The following PARVA variants were observed in gnomAD, a reference collection of about 807,000 sequenced individuals.
PARVA encodes alpha-parvin.
Under a neutral mutation model 52.6 loss-of-function variants are expected in PARVA, and 25 were observed. That is an observed-to-expected ratio of 0.48 (90% confidence interval 0.35 to 0.66). The LOEUF (loss-of-function observed/expected upper bound fraction) is 0.66, where lower values mean the gene tolerates loss of function less well. Ranked by LOEUF, PARVA falls within the 30% of genes least tolerant of loss-of-function variation. The pLI is 0.01. For synonymous variants in PARVA, 185 were observed against 179.1 expected, an observed-to-expected ratio of 1.03 and a Z score of -0.26; for missense variants, 373 against 450.9, an observed-to-expected ratio of 0.83 and a Z score of 1.56.
intron 12 of PARVA, among the ~76,000 whole-genome samples, chr11:12,524,844 T>C (rs148281376): frequency 3.2e-4 from 48 of 152,326 alleles, no homozygotes; most frequent in African/African-American, 1.1e-3. Flanking sequence ...CAGATGTTAA[T>C]CAATAAGCAT....
At chr11:12,473,645 GT>G (rs554757024) in intron 1 of PARVA, 99 bp from the exon 2 acceptor site, 27 of 878,532 alleles carry the variant, frequency 3.1e-5, no homozygotes, top group Non-Finnish European at 4.4e-5. Context: ...CCCTTAGTGG[GT>G]TTTTTTCTCA....
chr11:12,481,114 T>G (rs1162559902), intron 4 of PARVA, among the ~76,000 whole-genome samples: 1 of 152,190 alleles, frequency 6.6e-6, no homozygotes. Context: ...TGAGACCACG[T>G]AAATATCCTG....
intron 1 of PARVA, among the ~76,000 whole-genome samples, chr11:12,449,214 C>T (rs562822396): frequency 5.9e-5 from 9 of 151,978 alleles, no homozygotes; most frequent in Middle Eastern, 3.4e-3. Context: ...AGGGCAGTGG[C>T]GCAATCTCGG....
intron 10 of PARVA, among the ~76,000 whole-genome samples, chr11:12,516,828 A>T (rs571774570): frequency 6.6e-6 from 1 of 152,196 alleles, no homozygotes; most frequent in Non-Finnish European, 1.5e-5. Context: ...TGTTTTACAG[A>T]TAAGACATAT....
intron 4 of PARVA, among the ~76,000 whole-genome samples, chr11:12,484,114 C>T (rs1421603871): frequency 2.0e-5 from 3 of 152,184 alleles, no homozygotes; most frequent in Admixed American, 6.5e-5. Flanking sequence ...TCCATGGTCA[C>T]CTGGTTATAT....
chr11:12,386,433 C>T (rs1339798005), intron 1 of PARVA, among the ~76,000 whole-genome samples: 1 of 152,246 alleles, frequency 6.6e-6, no homozygotes, highest in Non-Finnish European at 1.5e-5. Flanking sequence ...AAGTCCTCTT[C>T]TGCATGAAGC....
Position 12,533,364 on chromosome 11 carries a change from T to C in PARVA, c.*5439T>C, listed in dbSNP as rs1941796172. Among the ~76,000 whole-genome samples the C allele has an allele frequency of 1.3e-5, 2 of 152,196 alleles. No homozygotes were observed. The highest frequency in any genetic ancestry group is 2.9e-5 in the Non-Finnish European group (2 of 68,034). ...TTCAGCCTGTGGGCTTGACAAACTA[T>C]AAGCAAGCCTCCTGGATGTGGAATA... On this transcript the variant is annotated 3_prime_UTR_variant, in exon 13 of 13. Transcript: ENST00000334956.
rs1174821611 is a variant in PARVA, at chr11:12,504,368, A to G, written c.596A>G (p.Gln199Arg). 6.2e-7 allele frequency: 1 copy of G among 1,613,870 alleles called. No homozygotes were observed. The highest frequency in any genetic ancestry group is 8.5e-7 in the Non-Finnish European group (1 of 1,179,792). Residue 199 changes from glutamine (Q) to arginine (R), a missense_variant, in exon 6 of 13, where the codon CAG (glutamine) becomes CGG (arginine). By Grantham distance (43) the Gln-to-Arg change is conservative. Transcript: ENST00000334956. Reference sequence around the variant, plus strand: ...TTACACCTGCTCGTTGCTCTGTCTCAGTATTTCCGCGCACCAATTCGACTC... The same window carrying G: ...TTACACCTGCTCGTTGCTCTGTCTCGGTATTTCCGCGCACCAATTCGACTC... ...AILHLLVALS[Q>R]YFRAPIRLPD...
At chr11:12,443,462 A>G (rs1381687223) in intron 1 of PARVA, among the ~76,000 whole-genome samples, 1 of 151,884 alleles carries the variant, frequency 6.6e-6, no homozygotes, top group Non-Finnish European at 1.5e-5. Flanking sequence ...GAGGCACCAC[A>G]CCTGGCCAAC....
At position 12,504,171 on chromosome 11, in the gene PARVA, G is replaced by C. The variant is rs937322949; in HGVS notation, c.542-143G>C. 6.4e-6 allele frequency: 4 copies of C among 624,366 alleles called. No individual in the cohort carries two copies. The African/African-American group carries it at 7.3e-5, about 11-fold the overall frequency. The allele number at this position is 624,366 out of a possible 1,614,324, so 38.7% of individuals were successfully genotyped here. A position where few individuals can be genotyped will look rare whatever the true frequency, so the allele number is the denominator to read the frequency against. ...CCACCAGGCCCCACCTCCAACACCG[G>C]GGATTACATTTCAGCATGAGATTTG... On this transcript the variant is annotated intron_variant, in intron 5 of 12. Coordinates refer to ENST00000334956, the MANE Select transcript of PARVA (RefSeq NM_018222.5).
chr11:12,513,412 A>G, intron 9 of PARVA, 52 bp downstream of exon 9: 1 of 1,525,086 alleles, frequency 6.6e-7, no homozygotes, highest in Non-Finnish European at 9.1e-7. Context: ...GCAACAGAAC[A>G]TTGGGAAAAC....
chr11:12,531,201 A>G lies in PARVA; in HGVS notation c.*3276A>G, dbSNP rs1941768195. On this transcript the variant is annotated 3_prime_UTR_variant, in exon 13 of 13. Transcript: ENST00000334956. ...AGGCTCCAGTTTCACATGTGCAGGCACAGAGATGACATTTCCCGATCTGGG... is the reference window on the plus strand; with the variant it reads ...AGGCTCCAGTTTCACATGTGCAGGCGCAGAGATGACATTTCCCGATCTGGG... Among the ~76,000 whole-genome samples, 1 of 152,238 alleles carries G rather than the reference A, an allele frequency of 6.6e-6. No individual in the cohort carries two copies. Among genetic ancestry groups the G allele is most frequent in the Non-Finnish European group, 1.5e-5 (1 of 68,038 alleles).
chr11:12,492,437 T>C (rs1026519565), intron 4 of PARVA, among the ~76,000 whole-genome samples: 4 of 152,142 alleles, frequency 2.6e-5, no homozygotes, highest in Non-Finnish European at 5.9e-5. Flanking sequence ...ACTTCAGCAA[T>C]AGAAAACTTT....
intron 1 of PARVA, among the ~76,000 whole-genome samples, chr11:12,411,437 A>C (rs1939991588): frequency 6.6e-6 from 1 of 152,238 alleles, no homozygotes; most frequent in African/African-American, 2.4e-5. Flanking sequence ...ACTAAAGTTC[A>C]TACTTTATTC....
intron 1 of PARVA, among the ~76,000 whole-genome samples, chr11:12,398,796 T>C (rs955295364): frequency 6.6e-6 from 1 of 152,158 alleles, no homozygotes; most frequent in African/African-American, 2.4e-5. Flanking sequence ...CTTGCTGTTA[T>C]TACCACATAT....
intron 12 of PARVA, among the ~76,000 whole-genome samples, chr11:12,523,529 C>T (rs1044574504): frequency 3.9e-5 from 6 of 152,188 alleles, no homozygotes; most frequent in African/African-American, 1.4e-4. Flanking sequence ...AAGAGAGTTC[C>T]TCTCTTTCCT....
At chr11:12,404,101 GCT>G (rs982451213) in intron 1 of PARVA, among the ~76,000 whole-genome samples, 1 of 104,558 alleles carries the variant, frequency 9.6e-6, no homozygotes, top group Non-Finnish European at 2.1e-5. Flanking sequence ...GTTTAATATA[GCT>G]CTTTTTTTTT....
chr11:12,427,235 T>C (rs2134990308), intron 1 of PARVA, among the ~76,000 whole-genome samples: 1 of 152,346 alleles, frequency 6.6e-6, no homozygotes, highest in South Asian at 2.1e-4. Context: ...CTGAATTAGC[T>C]AACCCAGCTG....
At chr11:12,509,509 T>G (rs1410528385) in intron 7 of PARVA, among the ~76,000 whole-genome samples, 2 of 152,200 alleles carry the variant, frequency 1.3e-5, no homozygotes, top group Non-Finnish European at 2.9e-5. Flanking sequence ...CCAGCACAGC[T>G]GACCCGTACC....
Sources: gnomAD v4.1 joint callset for allele counts (sites outside exome capture counted in the v4.1 genomes callset) on GRCh38, gnomAD v4.1.1 for gene constraint, MANE v1.5 for transcripts, NCBI Gene and HGNC (gene_info 2026-07-23, HGNC 2026-07-21) for gene names.